PDE3B: variants seen among roughly 807,000 people sequenced by gnomAD.
The protein encoded by PDE3B is phosphodiesterase 3B.
Under a neutral mutation model 116.8 loss-of-function variants are expected in PDE3B, and 66 were observed. The ratio of observed to expected loss-of-function variants is 0.56; its 90% CI spans 0.46 to 0.69. The LOEUF is 0.69. Among genes scored for constraint, PDE3B ranks in the 30% least tolerant of loss-of-function variants. The pLI, the probability that PDE3B is intolerant of heterozygous loss-of-function variation, is 0.00. For missense variants in PDE3B, 1,384 were observed against 1,368.1 expected (o/e 1.01, Z -0.18); for synonymous variants, 595 against 533.6 (o/e 1.12, Z -1.59).
chr11:14,729,152 G>C (rs1856392869), intron 1 of PDE3B, among the ~76,000 whole-genome samples: 1 of 152,142 alleles, frequency 6.6e-6, no homozygotes, highest in African/African-American at 2.4e-5. Flanking sequence ...CTTAGCTCTT[G>C]TATTAGATCC....
At chr11:14,684,196 C>A (rs972355838) in intron 1 of PDE3B, among the ~76,000 whole-genome samples, 121 of 152,204 alleles carry the variant, frequency 7.9e-4, no homozygotes, top group African/African-American at 2.7e-3. Context: ...GGGAACCCAC[C>A]CCCCGTATTT....
intron 1 of PDE3B, among the ~76,000 whole-genome samples, chr11:14,743,603 G>A (rs1056682852): frequency 9.2e-5 from 14 of 152,208 alleles, no homozygotes; most frequent in Non-Finnish European, 1.8e-4. Context: ...TGTGCCACTG[G>A]GGTATGAAAA....
intron 11 of PDE3B, among the ~76,000 whole-genome samples, chr11:14,840,981 C>T (rs906192633): frequency 7.2e-5 from 11 of 152,270 alleles, no homozygotes; most frequent in African/African-American, 2.6e-4. Context: ...TTTTACATGT[C>T]AGCTTGGCTG....
intron 1 of PDE3B, among the ~76,000 whole-genome samples, chr11:14,747,212 G>C (rs1856932975): frequency 6.6e-6 from 1 of 152,162 alleles, no homozygotes; most frequent in African/African-American, 2.4e-5. Flanking sequence ...CCAGCCCCAT[G>C]ATCTAGTCAC....
At chr11:14,798,770 G>A (rs1009441067) in intron 4 of PDE3B, among the ~76,000 whole-genome samples, 3 of 152,174 alleles carry the variant, frequency 2.0e-5, no homozygotes, top group Admixed American at 6.5e-5. Context: ...TGTGGGATCA[G>A]TGGTGATATC....
the PDE3B span, chr11:14,892,211 C>T: frequency 6.8e-6 from 11 of 1,608,774 alleles, no homozygotes; most frequent in South Asian, 7.7e-5. Context: ...CACATCGGCC[C>T]GAGCTGGAGG....
At chr11:14,830,154 CA>C (rs1260870904) in intron 7 of PDE3B, among the ~76,000 whole-genome samples, 2 of 152,040 alleles carry the variant, frequency 1.3e-5, no homozygotes, top group African/African-American at 4.8e-5. Context: ...TAAGATATTA[CA>C]AATAGAATGA....
intron 7 of PDE3B, among the ~76,000 whole-genome samples, chr11:14,821,590 A>G (rs1859514689): frequency 6.6e-6 from 1 of 152,186 alleles, no homozygotes; most frequent in Non-Finnish European, 1.5e-5. Context: ...CATTGTAGTT[A>G]TTGCCTTACC....
At chr11:14,860,335 C>T (rs2133990387) in intron 13 of PDE3B, among the ~76,000 whole-genome samples, 1 of 151,084 alleles carries the variant, frequency 6.6e-6, no homozygotes, top group African/African-American at 2.5e-5. Flanking sequence ...CAAAAGAGCT[C>T]TTCTCTCAAG....
intron 4 of PDE3B, among the ~76,000 whole-genome samples, chr11:14,794,380 G>A (rs1034748517): frequency 6.7e-6 from 1 of 149,970 alleles, no homozygotes; most frequent in Non-Finnish European, 1.5e-5. Context: ...GCAGTGGCAC[G>A]ATCTCTGCCC....
intron 1 of PDE3B, among the ~76,000 whole-genome samples, chr11:14,734,331 A>G (rs1856540455): frequency 6.6e-6 from 1 of 152,218 alleles, no homozygotes; most frequent in African/African-American, 2.4e-5. Context: ...TCCAGCTCCC[A>G]AAGTGCTGGG....
At chr11:14,703,883 T>A (rs1855449112) in intron 1 of PDE3B, among the ~76,000 whole-genome samples, 1 of 151,760 alleles carries the variant, frequency 6.6e-6, no homozygotes. Flanking sequence ...AAGTTCTTTT[T>A]GTGTTTCTGG....
intron 1 of PDE3B, among the ~76,000 whole-genome samples, chr11:14,715,169 G>T (rs1395863877): frequency 2.6e-5 from 4 of 152,204 alleles, no homozygotes; most frequent in African/African-American, 9.6e-5. Context: ...AGAGAAGCAA[G>T]AAAAGGGGAA....
At chr11:14,809,352 G>T (rs1859052898) in intron 5 of PDE3B, among the ~76,000 whole-genome samples, 1 of 152,182 alleles carries the variant, frequency 6.6e-6, no homozygotes, top group Non-Finnish European at 1.5e-5. Context: ...ATCAATAAAT[G>T]GTTAAACAAA....
intron 1 of PDE3B, among the ~76,000 whole-genome samples, chr11:14,736,602 T>C (rs1856607878): frequency 6.6e-6 from 1 of 152,192 alleles, no homozygotes; most frequent in African/African-American, 2.4e-5. Context: ...CATAAACATA[T>C]TCAAATATCC....
intron 2 of PDE3B, among the ~76,000 whole-genome samples, chr11:14,779,211 C>T (rs1179098470): frequency 1.2e-4 from 18 of 152,152 alleles, no homozygotes; most frequent in East Asian, 1.9e-4. Context: ...CTGAAAGTGA[C>T]GGGGAGAATG....
At chr11:14,647,170 G>C (rs759678080) in intron 1 of PDE3B, among the ~76,000 whole-genome samples, 24 of 151,906 alleles carry the variant, frequency 1.6e-4, no homozygotes, top group Non-Finnish European at 2.9e-4. Context: ...AAGATCAGGA[G>C]ATTTTCTGAT....
intron 1 of PDE3B, among the ~76,000 whole-genome samples, chr11:14,721,032 A>G (rs1856055382): frequency 1.5e-5 from 2 of 135,952 alleles, no homozygotes; most frequent in Non-Finnish European, 3.1e-5. Context: ...TCATCTGACA[A>G]AGGGCTAATA....
chr11:14,760,256 C>T (rs1457307782), intron 1 of PDE3B, among the ~76,000 whole-genome samples: 1 of 151,946 alleles, frequency 6.6e-6, no homozygotes, highest in Non-Finnish European at 1.5e-5. Context: ...TAGATGTTAG[C>T]TATTATTAGT....
Sources: gnomAD v4.1 joint callset for allele counts (sites outside exome capture counted in the v4.1 genomes callset) on GRCh38, gnomAD v4.1.1 for gene constraint, MANE v1.5 for transcripts, NCBI Gene and HGNC (gene_info 2026-07-23, HGNC 2026-07-21) for gene names.